Variants in SLC41A2 observed in about 807,000 individuals in gnomAD.
The protein encoded by SLC41A2 is solute carrier family 41 member 2.
In SLC41A2, 32 loss-of-function variants were observed where a neutral mutation model predicts 58.3. The observed-to-expected ratio is 0.55, with a 90% CI of 0.41 to 0.74. The LOEUF is 0.74. SLC41A2 is among the 30% of genes least tolerant of loss of function. The pLI is 0.00. For synonymous variants in SLC41A2, 190 were observed against 235.0 expected (o/e 0.81, Z 1.75); for missense variants, 514 against 680.6 (o/e 0.76, Z 2.72).
chr12:104,885,075 G>T (rs528149495), intron 6 of SLC41A2, among the ~76,000 whole-genome samples: 19 of 151,644 alleles, frequency 1.3e-4, no homozygotes, highest in African/African-American at 4.4e-4. Flanking sequence ...ATTAAGTGTT[G>T]TCCTTAATAT....
At position 104,924,323 on chromosome 12, in the gene SLC41A2, G is replaced by A. The variant is rs574139272; in HGVS notation, c.555+3650C>T. On this transcript the variant is annotated intron_variant, in intron 2 of 10. Coordinates refer to ENST00000258538, the MANE Select transcript of SLC41A2 (RefSeq NM_001352171.3). ...TCTCTTGTACTCTGCTAATTAGACT[G>A]TAAATTGGTGCAACCAATGTGGAAA... Among the ~76,000 whole-genome samples the A allele has an allele frequency of 4.3e-4, 66 of 152,370 alleles. 1 individual carries two copies. Among genetic ancestry groups the A allele is most frequent in the Admixed American group, 1.6e-3 (25 of 15,308 alleles).
intron 2 of SLC41A2, among the ~76,000 whole-genome samples, chr12:104,924,179 T>C (rs2046731924): frequency 6.6e-6 from 1 of 152,152 alleles, no homozygotes; most frequent in South Asian, 2.1e-4. Flanking sequence ...TATACATCAT[T>C]AGTTATCACA....
chr12:104,897,773 T>A (rs1360853035), intron 3 of SLC41A2, among the ~76,000 whole-genome samples: 2 of 152,196 alleles, frequency 1.3e-5, no homozygotes, highest in African/African-American at 4.8e-5. Flanking sequence ...ATATGTATAG[T>A]ATAGGCTTGC....
chr12:104,941,575 A>C (rs770959611), intron 1 of SLC41A2, among the ~76,000 whole-genome samples: 6 of 152,256 alleles, frequency 3.9e-5, no homozygotes, highest in Non-Finnish European at 7.3e-5. Flanking sequence ...CCAATGAATC[A>C]ACTCAAACAC....
chr12:104,876,229 T>G (rs1358522228), intron 6 of SLC41A2, among the ~76,000 whole-genome samples: 1 of 152,136 alleles, frequency 6.6e-6, no homozygotes, highest in Non-Finnish European at 1.5e-5. Context: ...GTTTTGTTAA[T>G]GTATTTTTCT....
At chr12:104,886,243 T>C in intron 6 of SLC41A2, 50 bp downstream of exon 6, 2 of 1,584,332 alleles carry the variant, frequency 1.3e-6, no homozygotes, top group Admixed American at 1.8e-5. Context: ...ACAATATTTA[T>C]TTAAAGAGAC....
At chr12:104,920,720 C>T (rs184806901) in intron 2 of SLC41A2, among the ~76,000 whole-genome samples, 68 of 151,864 alleles carry the variant, frequency 4.5e-4, no homozygotes, top group African/African-American at 5.8e-4. Context: ...GTCAGGAGAT[C>T]GAGACCATCC....
In SLC41A2 at chr12:104,909,713, G is replaced by A. The variant is rs763186794; in HGVS notation, c.605C>T (p.Ala202Val). Residue 202 changes from alanine (A) to valine (V), a missense_variant, in exon 3 of 11, where the codon GCA (alanine) becomes GTA (valine). By Grantham distance (64) the Ala-to-Val change is moderately conservative. Transcript: ENST00000258538. ...CAAGTTCCCTTTGAGACCAAGAAGT[G>A]CAGGGACTAAAATGAAAACTTCTGT... ...KVTEVFILVP[A>V]LLGLKGNLEM... 4.3e-6 allele frequency: 7 copies of A among 1,611,616 alleles called. No individual in the cohort carries two copies. The highest frequency in any genetic ancestry group is 1.1e-5 in the South Asian group (1 of 90,450).
chr12:104,883,396 G>T (rs115556636), intron 6 of SLC41A2, among the ~76,000 whole-genome samples: 1,872 of 152,254 alleles, frequency 0.012, 49 homozygotes, highest in African/African-American at 0.043. Flanking sequence ...AGGAGAAGAG[G>T]CGTTCGGTTT....
chr12:104,873,694 C>A (rs1273017160), intron 6 of SLC41A2, among the ~76,000 whole-genome samples: 1 of 152,176 alleles, frequency 6.6e-6, no homozygotes, highest in Non-Finnish European at 1.5e-5. Context: ...CACTTGTTAT[C>A]TTTCATCTTA....
chr12:104,829,045 G>GTA (rs1248150990), intron 10 of SLC41A2, among the ~76,000 whole-genome samples: 4 of 152,198 alleles, frequency 2.6e-5, no homozygotes, highest in African/African-American at 4.8e-5. Context: ...AACTCTCATA[G>GTA]TAGTGGGAAT....
intron 8 of SLC41A2, among the ~76,000 whole-genome samples, chr12:104,856,722 GCTCTT>G (rs2043032867): frequency 6.6e-6 from 1 of 152,194 alleles, no homozygotes; most frequent in African/African-American, 2.4e-5. Flanking sequence ...AAAAGAATCA[GCTCTT>G]CTGAGATAGG....
rs1041480233 is a variant in SLC41A2 at position 104,928,614 on chromosome 12, T to C, written c.-87A>G. On this transcript the variant is annotated 5_prime_UTR_variant, in exon 2 of 11. Transcript: ENST00000258538. ...AATCAGAACCGCACAAACACTGGTTTAAATTAAGTTGTTGACTTCATTGTG... is the reference window on the plus strand; with the variant it reads ...AATCAGAACCGCACAAACACTGGTTCAAATTAAGTTGTTGACTTCATTGTG... The C allele has an allele frequency of 8.2e-6, 6 of 730,770 alleles. No individual in the cohort carries two copies. The highest frequency in any genetic ancestry group is 1.2e-5 in the Non-Finnish European group (6 of 501,988). The allele number at this position is 730,770 out of a possible 1,614,324, so 45.3% of individuals were successfully genotyped here.
intron 8 of SLC41A2, among the ~76,000 whole-genome samples, chr12:104,846,750 A>C (rs1277126050): frequency 6.6e-6 from 1 of 152,188 alleles, no homozygotes; most frequent in African/African-American, 2.4e-5. Context: ...CACTTAGCAC[A>C]GGGTAGCCGG....
Position 104,817,493 on chromosome 12 carries a change from A to T in SLC41A2, c.1537-12156T>A, listed in dbSNP as rs1038862397. On this transcript the variant is annotated intron_variant, in intron 10 of 10. Coordinates refer to ENST00000258538, the MANE Select transcript of SLC41A2 (RefSeq NM_001352171.3). ...TTACTTTTTAAACACTTTTGTAATG[A>T]CAAAACACAAAATCATTGTACAGCT... is the stretch of plus-strand genomic sequence containing the variant. Among the ~76,000 whole-genome samples, 8 of 152,284 alleles carry T rather than the reference A, an allele frequency of 5.3e-5. 1 individual carries two copies. The highest frequency in any genetic ancestry group is 1.3e-4 in the Admixed American group (2 of 15,300).
At chr12:104,913,543 C>T (rs2046176153) in intron 2 of SLC41A2, among the ~76,000 whole-genome samples, 1 of 152,170 alleles carries the variant, frequency 6.6e-6, no homozygotes, top group Non-Finnish European at 1.5e-5. Context: ...ACTGCACATG[C>T]ACGTTTCTCT....
chr12:104,823,427 CAT>C (rs2041718280), intron 10 of SLC41A2, among the ~76,000 whole-genome samples: 1 of 151,956 alleles, frequency 6.6e-6, no homozygotes, highest in African/African-American at 2.4e-5. Flanking sequence ...TAAGAATAGA[CAT>C]ATAAATCAGT....
At chr12:104,904,682 G>C (rs2045731534) in intron 3 of SLC41A2, among the ~76,000 whole-genome samples, 2 of 96,704 alleles carry the variant, frequency 2.1e-5, no homozygotes, top group Non-Finnish European at 4.6e-5. Context: ...TGGTGGGTTC[G>C]TGGTCTCGCT....
At chr12:104,833,890 G>A in intron 10 of SLC41A2, 1 of 379,804 alleles carries the variant, frequency 2.6e-6, no homozygotes, top group Non-Finnish European at 3.6e-6. Context: ...CAATTATGTG[G>A]TTTCACTCAG....
Sources: gnomAD v4.1 joint callset for allele counts (sites outside exome capture counted in the v4.1 genomes callset) on GRCh38, gnomAD v4.1.1 for gene constraint, MANE v1.5 for transcripts, NCBI Gene and HGNC (gene_info 2026-07-23, HGNC 2026-07-21) for gene names.